Variants in WRN observed in about 807,000 individuals in gnomAD.
The protein encoded by WRN is WRN RecQ like helicase.
WRN carries 149 observed loss-of-function variants against 180.7 expected under a neutral mutation model. That is an observed-to-expected ratio of 0.82 (90% CI 0.72 to 0.94). The LOEUF is 0.94. Among genes scored for constraint, WRN ranks in the 40% least tolerant of loss-of-function variants. The probability of loss-of-function intolerance (pLI) is 0.00; values close to 1 mark genes in which losing one functional copy is unlikely to be tolerated. For synonymous variants in WRN, 548 were observed against 568.9 expected, an observed-to-expected ratio of 0.96 and a Z score of 0.52; for missense variants, 1,661 against 1,700.1, an observed-to-expected ratio of 0.98 and a Z score of 0.40.
intron 34 of WRN, 127 bp from the exon 35 acceptor site, chr8:31,172,868 C>T (rs1804153585): frequency 1.5e-5 from 11 of 716,758 alleles, no homozygotes; most frequent in South Asian, 5.0e-5. Context: ...ATATAGATAC[C>T]ACTATTTTGT....
Position 31,141,616 on chromosome 8 carries a change from G to A in WRN, c.3138+16G>A, listed in dbSNP as rs572353947. On this transcript the variant is annotated intron_variant, in intron 25 of 34. Transcript: ENST00000298139. Reference sequence around the variant, plus strand: ...TACGAAAAAGGTAAACGGTGTAGGAGTCTGCCTGTTTGACTTAATTTTGTT... The same window carrying A: ...TACGAAAAAGGTAAACGGTGTAGGAATCTGCCTGTTTGACTTAATTTTGTT... 2 of 1,614,086 alleles carry A rather than the reference G, an allele frequency of 1.2e-6. No individual in the cohort carries two copies. Among genetic ancestry groups the A allele is most frequent in the South Asian group, 2.2e-5 (2 of 91,074 alleles).
chr8:31,169,025 G>GT (rs915731222), intron 34 of WRN, among the ~76,000 whole-genome samples: 103 of 151,870 alleles, frequency 6.8e-4, no homozygotes, highest in Admixed American at 1.0e-3. Context: ...TTAAATGATA[G>GT]TTTTTTTAAA....
At position 31,157,416 on chromosome 8, in the gene WRN, C is replaced by T. The variant is rs1474988209; in HGVS notation, c.3868C>T (p.His1290Tyr). The T allele has an allele frequency of 1.2e-6, 2 of 1,614,098 alleles. No individual in the cohort carries two copies. Among genetic ancestry groups the T allele is most frequent in the African/African-American group, 1.3e-5 (1 of 75,040 alleles). The change falls in exon 33 of 35, where the codon CAC becomes TAC. Residue 1290 changes from histidine to tyrosine, a missense_variant. Coordinates refer to ENST00000298139, the MANE Select transcript of WRN (RefSeq NM_000553.6). ...RILPLMTIGM[H>Y]LSQAVKAGCP... ...TCTGCCTCTCATGACAATTGGCATGCACTTATCCCAAGCGGTGAAAGCTGG... is the reference window on the plus strand; with the variant it reads ...TCTGCCTCTCATGACAATTGGCATGTACTTATCCCAAGCGGTGAAAGCTGG...
At chr8:31,042,858 G>A (rs574500678) in intron 1 of WRN, among the ~76,000 whole-genome samples, 39 of 152,152 alleles carry the variant, frequency 2.6e-4, no homozygotes, top group Non-Finnish European at 3.4e-4. Context: ...GGTGAAATTC[G>A]CAAGCAACCT....
intron 11 of WRN, among the ~76,000 whole-genome samples, chr8:31,085,865 C>T (rs1022752001): frequency 6.6e-6 from 1 of 152,012 alleles, no homozygotes; most frequent in African/African-American, 2.4e-5. Flanking sequence ...TCCTTTCTTC[C>T]AATTCATGTG....
At chr8:31,062,719 C>T (rs866188279) in intron 3 of WRN, among the ~76,000 whole-genome samples, 20 of 152,062 alleles carry the variant, frequency 1.3e-4, no homozygotes, top group African/African-American at 4.1e-4. Context: ...GGCCTGTTTT[C>T]TTCAGTTCTT....
intron 8 of WRN, among the ~76,000 whole-genome samples, chr8:31,079,564 T>C (rs1220553507): frequency 6.6e-6 from 1 of 152,206 alleles, no homozygotes; most frequent in Non-Finnish European, 1.5e-5. Flanking sequence ...ACTAACTAGA[T>C]TGGGTTTATA....
In WRN at chr8:31,090,927, A is replaced by G. The variant is rs761654576; in HGVS notation, c.1814A>G (p.Gln605Arg). 1.9e-6 allele frequency: 3 copies of G among 1,612,492 alleles called. No individual in the cohort carries two copies. In the Admixed American group the frequency reaches 5.0e-5, roughly 27 times the overall value. ...CCCCTTATTTCTCTGATGGAAGACCAAGTGCTACAGCTTAAGTAAGTCATG... is the reference window on the plus strand; with the variant it reads ...CCCCTTATTTCTCTGATGGAAGACCGAGTGCTACAGCTTAAGTAAGTCATG... ...ISPLISLMEDQVLQLKMSNIP... is the reference protein window; with the variant it reads ...ISPLISLMEDRVLQLKMSNIP... The change falls in exon 15 of 35, where the codon CAA becomes CGA. Residue 605 changes from glutamine to arginine, a missense_variant. Gln to Arg is a conservative substitution (Grantham distance 43). Around this residue, in one of 3 missense-constraint regions of WRN, gnomAD observed 1,141 missense variants for 1,149.4 expected, o/e 0.99. Coordinates refer to ENST00000298139, the MANE Select transcript of WRN (RefSeq NM_000553.6).
intron 13 of WRN, among the ~76,000 whole-genome samples, chr8:31,089,613 G>A (rs1371380153): frequency 6.6e-6 from 1 of 151,856 alleles, no homozygotes; most frequent in African/African-American, 2.4e-5. Context: ...TGCACATGTT[G>A]TAGAGATCAA....
chr8:31,086,540 T>C (rs1221711083), intron 11 of WRN, among the ~76,000 whole-genome samples: 1 of 151,842 alleles, frequency 6.6e-6, no homozygotes, highest in Non-Finnish European at 1.5e-5. Flanking sequence ...ACCATGCCAC[T>C]GCACTCTAGC....
At chr8:31,112,809 A>T (rs1197054965) in intron 19 of WRN, among the ~76,000 whole-genome samples, 1 of 152,090 alleles carries the variant, frequency 6.6e-6, no homozygotes, top group Non-Finnish European at 1.5e-5. Flanking sequence ...GCTGATCTCG[A>T]ACTCCTGACC....
chr8:31,070,222 T>TCCTC (rs1208814464), intron 7 of WRN, among the ~76,000 whole-genome samples: 3 of 151,604 alleles, frequency 2.0e-5, no homozygotes. Flanking sequence ...TTTCCTTCCT[T>TCCTC]CCTCCCTTCC....
At chr8:31,066,921 T>C in intron 5 of WRN, 112 bp from the exon 6 acceptor site, 4 of 1,318,964 alleles carry the variant, frequency 3.0e-6, no homozygotes, top group Non-Finnish European at 3.2e-6. Flanking sequence ...CTGTGGGTTG[T>C]ATTTTGGTAT....
chr8:31,119,288 A>G (rs1181056345), intron 20 of WRN, among the ~76,000 whole-genome samples: 1 of 151,804 alleles, frequency 6.6e-6, no homozygotes, highest in Non-Finnish European at 1.5e-5. Flanking sequence ...ACAGTAAAAA[A>G]CTTCAAGGCC....
intron 1 of WRN, among the ~76,000 whole-genome samples, chr8:31,043,398 C>T (rs752435248): frequency 3.3e-5 from 5 of 152,118 alleles, no homozygotes; most frequent in Admixed American, 6.5e-5. Context: ...TTCCTTAAGA[C>T]AGTTGGATTT....
chr8:31,149,266 G>A (rs1001867186), intron 30 of WRN, among the ~76,000 whole-genome samples: 11 of 151,406 alleles, frequency 7.3e-5, no homozygotes, highest in African/African-American at 2.7e-4. Context: ...GCGTGGTGGC[G>A]GGTGCCTGTA....
chr8:31,163,247 C>G (rs893241127), intron 33 of WRN, among the ~76,000 whole-genome samples: 1 of 152,190 alleles, frequency 6.6e-6, no homozygotes, highest in Non-Finnish European at 1.5e-5. Flanking sequence ...ATTATTCAGC[C>G]ACATATTGAC....
chr8:31,037,061 T>A lies in WRN; in HGVS notation c.-77+3088T>A, dbSNP rs186135058. Among the ~76,000 whole-genome samples, 7 of 152,342 alleles carry A rather than the reference T, an allele frequency of 4.6e-5. No individual in the cohort carries two copies. The East Asian group carries it at 1.2e-3, about 25-fold the overall frequency. ...ACATTTATTGTGCACTTTGTTTCTATTATTATTACATTGTAATATATAGTG... is the reference window on the plus strand; with the variant it reads ...ACATTTATTGTGCACTTTGTTTCTAATATTATTACATTGTAATATATAGTG... On this transcript the variant is annotated intron_variant, in intron 1 of 34. Coordinates refer to ENST00000298139, the MANE Select transcript of WRN (RefSeq NM_000553.6).
At position 31,085,201 on chromosome 8, in the gene WRN, C is replaced by A; in HGVS notation, c.1386C>A (p.Ser462=). 1 of 1,612,422 alleles carries A rather than the reference C, an allele frequency of 6.2e-7. No individual in the cohort carries two copies. The highest frequency in any genetic ancestry group is 1.3e-5 in the African/African-American group (1 of 74,778). Reference sequence around the variant, plus strand: ...CCAATGATAATGAAAACGATACGTCCTATGTAATTGAGAGTGATGAAGATT... The same window carrying A: ...CCAATGATAATGAAAACGATACGTCATATGTAATTGAGAGTGATGAAGATT... ...LSPNDNENDT[S]YVIESDEDLE... is the part of the protein sequence containing the mutation. The change falls in exon 11 of 35, where the codon TCC becomes TCA. Residue 462 remains serine (S), a synonymous_variant. Transcript: ENST00000298139.
Sources: allele counts gnomAD v4.1 joint callset (sites outside exome capture counted in the v4.1 genomes callset), GRCh38; gene constraint gnomAD v4.1.1; regional missense constraint gnomAD v4.1.1; transcripts MANE v1.5; gene names NCBI Gene and HGNC (gene_info 2026-07-23, HGNC 2026-07-21).